AGPAT4: variants seen among roughly 807,000 people sequenced by gnomAD.
AGPAT4 encodes 1-acyl-sn-glycerol-3-phosphate acyltransferase delta.
AGPAT4 carries 15 observed loss-of-function variants against 48.0 expected under a neutral mutation model. The observed-to-expected ratio is 0.31, with a 90% CI of 0.21 to 0.48. The LOEUF (loss-of-function observed/expected upper bound fraction) is 0.48. Among genes scored for constraint, AGPAT4 ranks in the 20% least tolerant of loss-of-function variants. AGPAT4 has a pLI of 0.99. For synonymous variants in AGPAT4, 178 were observed against 198.7 expected, an observed-to-expected ratio of 0.90 and a Z score of 0.88; for missense variants, 314 against 482.5, an observed-to-expected ratio of 0.65 and a Z score of 3.27.
At position 161,198,087 on chromosome 6, in the gene AGPAT4, T is replaced by C. The variant is rs7751159; in HGVS notation, c.179-31670A>G. On this transcript the variant is annotated intron_variant, in intron 2 of 8. Coordinates refer to ENST00000320285, the MANE Select transcript of AGPAT4 (RefSeq NM_020133.3). This position sits in a 1 kb window ranked among gnomAD's most constrained non-coding sequence, Gnocchi z 4.3. ...TTTAATATTTTAAAATATTTCCCTT[T>C]ACTGTTCCATAATAAAGAACACATG... is the stretch of plus-strand genomic sequence containing the variant. 0.19 allele frequency among the ~76,000 whole-genome samples: 28,214 copies of C among 152,152 alleles called. 4,824 individuals carry two copies. Among genetic ancestry groups the C allele is most frequent in the African/African-American group, 0.46 (18,969 of 41,446 alleles).
At position 161,166,115 on chromosome 6, in the gene AGPAT4, A is replaced by G. The variant is rs1562320542; in HGVS notation, c.348+133T>C. On this transcript the variant is annotated intron_variant, in intron 3 of 8. Coordinates refer to ENST00000320285, the MANE Select transcript of AGPAT4 (RefSeq NM_020133.3). The surrounding 1 kb of genome is among the most constrained non-coding windows in gnomAD (Gnocchi z 6.7). ...TCCCAGCAAGAATAAAAAGCAGTTT[A>G]TTAGGACCATTTCATCAAGTAGAAA... 8.1e-7 allele frequency: 1 copy of G among 1,231,530 alleles called. No homozygotes were observed. Among genetic ancestry groups the G allele is most frequent in the Non-Finnish European group, 1.1e-6 (1 of 879,416 alleles). The allele number at this position is 1,231,530 out of a possible 1,614,324, so 76.3% of individuals were successfully genotyped here.
In AGPAT4 at chr6:161,259,113, T is replaced by C. The variant is rs967932682; in HGVS notation, c.-90+14825A>G. 3.9e-5 allele frequency among the ~76,000 whole-genome samples: 6 copies of C among 152,232 alleles called. No individual in the cohort carries two copies. The highest frequency in any genetic ancestry group is 4.8e-5 in the African/African-American group (2 of 41,540). On this transcript the variant is annotated intron_variant, in intron 1 of 8. Coordinates refer to ENST00000320285, the MANE Select transcript of AGPAT4 (RefSeq NM_020133.3). This position sits in a 1 kb window ranked among gnomAD's most constrained non-coding sequence, Gnocchi z 4.9. The stretch of plus-strand genomic sequence containing the variant: ...GTACCCGGCCTTAAATTCTTTTCAA[T>C]TGACAAATAAAAATTGTACATATTT...
At chr6:161,269,717 T>C (rs1369738456) in intron 1 of AGPAT4, among the ~76,000 whole-genome samples, 9 of 152,158 alleles carry the variant, frequency 5.9e-5, no homozygotes, top group African/African-American at 1.2e-4. Flanking sequence ...TTCTTAAGCT[T>C]CTTTAAGGAA....
chr6:161,139,310 G>C lies in AGPAT4; in HGVS notation c.1042+112C>G, dbSNP rs945087321. The C allele has an allele frequency of 2.3e-5, 27 of 1,194,032 alleles. No individual in the cohort carries two copies. Among genetic ancestry groups the C allele is most frequent in the Non-Finnish European group, 3.2e-5 (27 of 839,468 alleles). 74.0% of individuals were successfully genotyped at this position (1,194,032 alleles called of 1,614,324 possible). The stretch of plus-strand genomic sequence containing the variant: ...TTCCCTGTGATTGCAAGCTGAGCCT[G>C]CTCCTCATCCACGGCACAACTGCCT... On this transcript the variant is annotated intron_variant, in intron 8 of 8. Coordinates refer to ENST00000320285, the MANE Select transcript of AGPAT4 (RefSeq NM_020133.3). The surrounding 1 kb of genome is among the most constrained non-coding windows in gnomAD (Gnocchi z 9.1).
chr6:161,215,621 T>C lies in AGPAT4; in HGVS notation c.178+16415A>G, dbSNP rs1219995049. ...ATTCTAGTCTTTATATTCTGAAGCC[T>C]AGCACATGCTTGAAACACTGATATC... On this transcript the variant is annotated intron_variant, in intron 2 of 8. Transcript: ENST00000320285. This position sits in a 1 kb window ranked among gnomAD's most constrained non-coding sequence, Gnocchi z 4.5. Among the ~76,000 whole-genome samples the C allele has an allele frequency of 6.6e-6, 1 of 151,820 alleles. No homozygotes were observed. Among genetic ancestry groups the C allele is most frequent in the Non-Finnish European group, 1.5e-5 (1 of 68,010 alleles).
rs1779919569 is a variant in AGPAT4, at chr6:161,161,125, A to G, written c.348+5123T>C. On this transcript the variant is annotated intron_variant, in intron 3 of 8. Coordinates refer to ENST00000320285, the MANE Select transcript of AGPAT4 (RefSeq NM_020133.3). The surrounding 1 kb of genome is among the most constrained non-coding windows in gnomAD (Gnocchi z 4.6). ...GCGCACAGAGGAGGAGGAAGCCCCA[A>G]GCTTTCAACAACCCTGGCTTTATGA... The G allele has an allele frequency of 2.2e-6, 1 of 456,722 alleles. No individual in the cohort carries two copies. Among genetic ancestry groups the G allele is most frequent in the Non-Finnish European group, 4.4e-6 (1 of 226,980 alleles). 28.3% of individuals were successfully genotyped at this position (456,722 alleles called of 1,614,324 possible).
rs2114753188 is a variant in AGPAT4, at chr6:161,262,651, A to C, written c.-90+11287T>G. 6.6e-6 allele frequency among the ~76,000 whole-genome samples: 1 copy of C among 152,052 alleles called. No individual in the cohort carries two copies. The highest frequency in any genetic ancestry group is 1.9e-4 in the East Asian group (1 of 5,170). On this transcript the variant is annotated intron_variant, in intron 1 of 8. Transcript: ENST00000320285. The surrounding 1 kb of genome is among the most constrained non-coding windows in gnomAD (Gnocchi z 4.9). ...TCTGACCCACTGCAAGCTCTACCCC[A>C]CTTCTTCCTTTGCTCAGAAGGTTTG...
rs1487128975 is a variant in AGPAT4 at position 161,196,967 on chromosome 6, A to G, written c.179-30550T>C. Among the ~76,000 whole-genome samples, 1 of 152,146 alleles carries G rather than the reference A, an allele frequency of 6.6e-6. No homozygotes were observed. The highest frequency in any genetic ancestry group is 1.5e-5 in the Non-Finnish European group (1 of 68,034). On this transcript the variant is annotated intron_variant, in intron 2 of 8. Transcript: ENST00000320285. The surrounding 1 kb of genome is among the most constrained non-coding windows in gnomAD (Gnocchi z 4.3). Reference sequence around the variant, plus strand: ...AACTGCTCCAGGCACTGGGGAAGTCAGCTGTGAACAAGAGGCAAAGTCTGT... The same window carrying G: ...AACTGCTCCAGGCACTGGGGAAGTCGGCTGTGAACAAGAGGCAAAGTCTGT...
intron 2 of AGPAT4, among the ~76,000 whole-genome samples, chr6:161,172,127 A>T (rs373009119): frequency 1.3e-5 from 2 of 152,312 alleles, no homozygotes; most frequent in South Asian, 2.1e-4. Context: ...CAATGCATCA[A>T]ATCAGAATAA....
chr6:161,263,919 TCA>T (rs952932704), intron 1 of AGPAT4, among the ~76,000 whole-genome samples: 6 of 152,144 alleles, frequency 3.9e-5, no homozygotes, highest in African/African-American at 1.4e-4. Flanking sequence ...TTTAGTAAAA[TCA>T]CAGTGTGCTC....
rs757052807 is a variant in AGPAT4, at chr6:161,267,511, C to T, written c.-90+6427G>A. ...GGCAGATTGCTTGAAGTCAGGAGTT[C>T]GAGACCAGCCTGGCCAACATGGGGA... On this transcript the variant is annotated intron_variant, in intron 1 of 8. Transcript: ENST00000320285. This position sits in a 1 kb window ranked among gnomAD's most constrained non-coding sequence, Gnocchi z 5.2. Among the ~76,000 whole-genome samples, 15 of 152,064 alleles carry T rather than the reference C, an allele frequency of 9.9e-5. No homozygotes were observed. Among genetic ancestry groups the T allele is most frequent in the Admixed American group, 3.3e-4 (5 of 15,260 alleles).
rs943940513 is a variant in AGPAT4, at chr6:161,146,060, G to C, written c.843+464C>G. Among the ~76,000 whole-genome samples the C allele has an allele frequency of 1.3e-5, 2 of 151,662 alleles. No homozygotes were observed. Among genetic ancestry groups the C allele is most frequent in the South Asian group, 4.1e-4 (2 of 4,828 alleles). On this transcript the variant is annotated intron_variant, in intron 7 of 8. Coordinates refer to ENST00000320285, the MANE Select transcript of AGPAT4 (RefSeq NM_020133.3). The surrounding 1 kb of genome is among the most constrained non-coding windows in gnomAD (Gnocchi z 7.1). ...GAGAACTGGACCACAGACAGGAACA[G>C]GACAGGGGGCACCACAGCAGGTTCG...
rs1282108084 is a variant in AGPAT4, at chr6:161,189,418, G to A, written c.179-23001C>T. 6.6e-6 allele frequency among the ~76,000 whole-genome samples: 1 copy of A among 152,144 alleles called. No individual in the cohort carries two copies. ...AAGAGGAGGAAGGCATTGAGGAATC[G>A]GGGTGAAGAGAGAACCCACATGTAT... On this transcript the variant is annotated intron_variant, in intron 2 of 8. Coordinates refer to ENST00000320285, the MANE Select transcript of AGPAT4 (RefSeq NM_020133.3). This position sits in a 1 kb window ranked among gnomAD's most constrained non-coding sequence, Gnocchi z 5.3.
chr6:161,219,612 G>A lies in AGPAT4; in HGVS notation c.178+12424C>T, dbSNP rs531307603. Among the ~76,000 whole-genome samples, 6 of 152,194 alleles carry A rather than the reference G, an allele frequency of 3.9e-5. No homozygotes were observed. In the South Asian group the frequency reaches 8.3e-4, roughly 21 times the overall value. On this transcript the variant is annotated intron_variant, in intron 2 of 8. Transcript: ENST00000320285. This position sits in a 1 kb window ranked among gnomAD's most constrained non-coding sequence, Gnocchi z 4.9. ...TTCCAAAAACAAATGGGCACTTTGCGAATTAATTTATTTATAAACCATATG... is the reference window on the plus strand; with the variant it reads ...TTCCAAAAACAAATGGGCACTTTGCAAATTAATTTATTTATAAACCATATG...
Position 161,141,260 on chromosome 6 carries a change from A to T in AGPAT4, c.844-1640T>A, listed in dbSNP as rs1248914885. Among the ~76,000 whole-genome samples the T allele has an allele frequency of 6.6e-6, 1 of 152,008 alleles. No homozygotes were observed. Among genetic ancestry groups the T allele is most frequent in the Admixed American group, 6.6e-5 (1 of 15,250 alleles). ...GGTCCGAAGCGTCACTTGTCGCGTG[A>T]CTCTGCTGTTGGACATCAGCCAAGA... On this transcript the variant is annotated intron_variant, in intron 7 of 8. Coordinates refer to ENST00000320285, the MANE Select transcript of AGPAT4 (RefSeq NM_020133.3). This position sits in a 1 kb window ranked among gnomAD's most constrained non-coding sequence, Gnocchi z 6.7.
chr6:161,198,717 C>G lies in AGPAT4; in HGVS notation c.179-32300G>C, dbSNP rs976619105. On this transcript the variant is annotated intron_variant, in intron 2 of 8. Coordinates refer to ENST00000320285, the MANE Select transcript of AGPAT4 (RefSeq NM_020133.3). This position sits in a 1 kb window ranked among gnomAD's most constrained non-coding sequence, Gnocchi z 4.3. The stretch of plus-strand genomic sequence containing the variant: ...TAAATAAGCTCACATGTAGAAGGAA[C>G]TCCGCAGAGTGCTGGGAACACTATA... 2.6e-5 allele frequency among the ~76,000 whole-genome samples: 4 copies of G among 151,880 alleles called. No individual in the cohort carries two copies. Among genetic ancestry groups the G allele is most frequent in the Non-Finnish European group, 4.4e-5 (3 of 68,032 alleles).
Position 161,236,402 on chromosome 6 carries a change from T to A in AGPAT4, c.-89-4100A>T, listed in dbSNP as rs1782276076. The stretch of plus-strand genomic sequence containing the variant: ...AAATGAAACAGCAGGTGTTTTCCCA[T>A]CAGTGAGCTCAGAAGCAGCGTTTAA... On this transcript the variant is annotated intron_variant, in intron 1 of 8. Transcript: ENST00000320285. The surrounding 1 kb of genome is among the most constrained non-coding windows in gnomAD (Gnocchi z 5.0). Among the ~76,000 whole-genome samples, 1 of 152,184 alleles carries A rather than the reference T, an allele frequency of 6.6e-6. No homozygotes were observed.
intron 1 of AGPAT4, among the ~76,000 whole-genome samples, chr6:161,256,253 C>T (rs1486651705): frequency 2.0e-5 from 3 of 152,162 alleles, no homozygotes; most frequent in Non-Finnish European, 4.4e-5. Flanking sequence ...TGGAAGGATA[C>T]GAAAACCTGG....
chr6:161,164,335 A>G lies in AGPAT4; in HGVS notation c.348+1913T>C, dbSNP rs1780031228. On this transcript the variant is annotated intron_variant, in intron 3 of 8. Transcript: ENST00000320285. The surrounding 1 kb of genome is among the most constrained non-coding windows in gnomAD (Gnocchi z 7.4). ...CTGGGCATCTGGGTGCTTCTCCAGCATCTCTGTGCATGACCCTGCTCTGCC... is the reference window on the plus strand; with the variant it reads ...CTGGGCATCTGGGTGCTTCTCCAGCGTCTCTGTGCATGACCCTGCTCTGCC... Among the ~76,000 whole-genome samples, 1 of 152,104 alleles carries G rather than the reference A, an allele frequency of 6.6e-6. No homozygotes were observed. Among genetic ancestry groups the G allele is most frequent in the South Asian group, 2.1e-4 (1 of 4,816 alleles).
Sources: gnomAD v4.1 joint callset for allele counts (sites outside exome capture counted in the v4.1 genomes callset) on GRCh38, gnomAD v4.1.1 for gene constraint, Gnocchi (gnomAD v3.1) non-coding constraint, MANE v1.5 for transcripts, NCBI Gene and HGNC (gene_info 2026-07-23, HGNC 2026-07-21) for gene names.